DMXL2: variants seen among roughly 807,000 people sequenced by gnomAD.
DMXL2 encodes Dmx like 2.
A neutral mutation model predicts 331.1 loss-of-function variants in DMXL2; 103 were observed. The ratio of observed to expected loss-of-function variants is 0.31; its 90% CI spans 0.27 to 0.37. The LOEUF (loss-of-function observed/expected upper bound fraction) is 0.37. Among genes scored for constraint, DMXL2 ranks in the 10% least tolerant of loss-of-function variants. The pLI is 1.00. For missense variants in DMXL2, 3,171 were observed against 3,642.9 expected (o/e 0.87, Z 3.33); for synonymous variants, 1,281 against 1,252.1 (o/e 1.02, Z -0.49).
At chr15:51,616,363 A>G (rs1156269777) in intron 1 of DMXL2, among the ~76,000 whole-genome samples, 1 of 152,202 alleles carries the variant, frequency 6.6e-6, no homozygotes, top group Non-Finnish European at 1.5e-5. Context: ...AAAAAAAAAG[A>G]AATTTAAGAA....
At position 51,536,205 on chromosome 15, in the gene DMXL2, C is replaced by T. The variant is rs1368841053; in HGVS notation, c.2275G>A (p.Val759Met). ...NSLHTSAFSN[V>M]AWLPTLIPSY... ...GGAATGAGAGTTGGAAGCCAAGCCA[C>T]ATTAGAGAACGCTGAGGTATGTAAA... The change falls in exon 12 of 44, where the codon GTG becomes ATG. Residue 759 changes from valine to methionine, a missense_variant. Physicochemically the swap from Val to Met is conservative, Grantham distance 21. Coordinates refer to ENST00000560891, the MANE Select transcript of DMXL2 (RefSeq NM_001378457.1). 1.2e-6 allele frequency: 2 copies of T among 1,606,040 alleles called. No individual in the cohort carries two copies. Among genetic ancestry groups the T allele is most frequent in the Non-Finnish European group, 1.7e-6 (2 of 1,176,948 alleles).
In DMXL2 at chr15:51,542,205, C is replaced by A. The variant is rs537376902; in HGVS notation, c.1105+128G>T. The A allele has an allele frequency of 1.7e-5, 15 of 881,688 alleles. No homozygotes were observed. In the East Asian group the frequency reaches 2.1e-4, roughly 12 times the overall value. The allele number at this position is 881,688 out of a possible 1,614,324, so 54.6% of individuals were successfully genotyped here. A position where few individuals can be genotyped will look rare whatever the true frequency, so the allele number is the denominator to read the frequency against. ...CAAAAAATGGTACTTTATATTATAT[C>A]TCTACTCCAATTAAGTATTTTAAAG... On this transcript the variant is annotated intron_variant, in intron 9 of 43. Coordinates refer to ENST00000560891, the MANE Select transcript of DMXL2 (RefSeq NM_001378457.1).
chr15:51,575,636 A>T (rs2050973155), intron 2 of DMXL2, among the ~76,000 whole-genome samples: 1 of 152,206 alleles, frequency 6.6e-6, no homozygotes, highest in African/African-American at 2.4e-5. Flanking sequence ...TTTACAAAGC[A>T]CTTCCTATAT....
chr15:51,554,215 A>T (rs1388449106), intron 6 of DMXL2, among the ~76,000 whole-genome samples: 2 of 152,338 alleles, frequency 1.3e-5, no homozygotes, highest in Non-Finnish European at 2.9e-5. Context: ...ATATTAAATC[A>T]TCCATAGGTT....
chr15:51,451,966 T>G (rs559130381), intron 41 of DMXL2, among the ~76,000 whole-genome samples: 1 of 152,164 alleles, frequency 6.6e-6, no homozygotes, highest in Non-Finnish European at 1.5e-5. Context: ...TTCCTGAGTA[T>G]AAGGAATGCT....
intron 1 of DMXL2, among the ~76,000 whole-genome samples, chr15:51,617,258 T>C (rs1338586666): frequency 2.0e-5 from 3 of 152,174 alleles, no homozygotes; most frequent in Admixed American, 6.5e-5. Flanking sequence ...AATAAAGGCA[T>C]TGCACGGGAA....
At chr15:51,556,214 G>A (rs550962021) in intron 6 of DMXL2, among the ~76,000 whole-genome samples, 20 of 151,818 alleles carry the variant, frequency 1.3e-4, no homozygotes, top group Non-Finnish European at 2.8e-4. Flanking sequence ...GTGGTGGCGG[G>A]CGCCTGTAGT....
chr15:51,457,261 CAAAG>C, intron 37 of DMXL2, 63 bp downstream of exon 37: 1 of 1,533,856 alleles, frequency 6.5e-7, no homozygotes. Flanking sequence ...ATTCCTATGT[CAAAG>C]AGATTCCAAC....
In DMXL2 at chr15:51,481,530, T is replaced by C; in HGVS notation, c.5576A>G (p.Glu1859Gly). ...LLIRRNLASP[E>G]GTLATLGLKT... ...GAGACCTAAGGTTGCCAAAGTTCCT[T>C]CAGGGGAGGCAAGATTTCTTCGAAT... Residue 1859 changes from glutamate to glycine, a missense_variant, in exon 24 of 44, where the codon GAA becomes GGA. By Grantham distance (98) the Glu-to-Gly change is moderately conservative. Coordinates refer to ENST00000560891, the MANE Select transcript of DMXL2 (RefSeq NM_001378457.1). The C allele has an allele frequency of 6.2e-7, 1 of 1,612,912 alleles. No homozygotes were observed. The highest frequency in any genetic ancestry group is 8.5e-7 in the Non-Finnish European group (1 of 1,179,672).
intron 13 of DMXL2, among the ~76,000 whole-genome samples, chr15:51,532,687 T>C (rs944358547): frequency 6.6e-6 from 1 of 152,116 alleles, no homozygotes; most frequent in Non-Finnish European, 1.5e-5. Context: ...TTTAAAAAAA[T>C]TTTTTAAACC....
chr15:51,463,397 C>A lies in DMXL2; in HGVS notation c.7908G>T (p.Lys2636Asn). 6.4e-7 allele frequency: 1 copy of A among 1,563,116 alleles called. No homozygotes were observed. The highest frequency in any genetic ancestry group is 8.7e-7 in the Non-Finnish European group (1 of 1,147,512). Residue 2636 changes from lysine to asparagine, a missense_variant, in exon 33 of 44, where the codon AAG (lysine) becomes AAT (asparagine). Lys to Asn is a moderately conservative substitution (Grantham distance 94). Around this residue, in one of 7 missense-constraint regions of DMXL2, gnomAD observed 766 missense variants for 940.5 expected, o/e 0.81. Coordinates refer to ENST00000560891, the MANE Select transcript of DMXL2 (RefSeq NM_001378457.1). ...QETFIRYIFT[K>N]KRKQSESIEE... ...AAAATACCTCACTCTGCTTTCTTTT[C>A]TTAGTGAAAATATATCTAATAAATG...
chr15:51,459,492 C>T (rs920385380), intron 34 of DMXL2, 106 bp downstream of exon 34: 9 of 909,130 alleles, frequency 9.9e-6, no homozygotes, highest in South Asian at 8.5e-5. Flanking sequence ...ACTATGAGTT[C>T]TCTGAGTAGT....
chr15:51,476,231 GAAC>G (rs967392674), intron 27 of DMXL2, among the ~76,000 whole-genome samples: 67 of 152,188 alleles, frequency 4.4e-4, no homozygotes, highest in African/African-American at 1.5e-3. Flanking sequence ...ACACGCCCGA[GAAC>G]AACTAACTGT....
intron 17 of DMXL2, among the ~76,000 whole-genome samples, chr15:51,501,743 A>AC (rs2043624475): frequency 6.6e-6 from 1 of 151,216 alleles, no homozygotes; most frequent in African/African-American, 2.4e-5. Flanking sequence ...ACACAGTGAA[A>AC]CCCCGTCTCT....
chr15:51,579,370 G>A (rs1282807463), intron 1 of DMXL2, among the ~76,000 whole-genome samples: 2 of 152,076 alleles, frequency 1.3e-5, no homozygotes, highest in Admixed American at 6.5e-5. Context: ...TAATCCAAGG[G>A]TGGAAGAAAA....
chr15:51,478,377 T>C (rs1229446506), intron 25 of DMXL2, 30 bp from the exon 26 acceptor site: 1 of 1,583,554 alleles, frequency 6.3e-7, no homozygotes, highest in South Asian at 1.1e-5. Context: ...AATTACATTT[T>C]GTACTAACAT....
intron 28 of DMXL2, among the ~76,000 whole-genome samples, chr15:51,473,009 C>T (rs1483726269): frequency 1.3e-5 from 2 of 152,182 alleles, no homozygotes; most frequent in African/African-American, 4.8e-5. Flanking sequence ...CTCTTCATGA[C>T]AGCCATGATG....
In DMXL2 at chr15:51,604,984, A is replaced by T. The variant is rs112616199; in HGVS notation, c.87+17475T>A. ...TTTACAAAGGTACAAAGGCAATTCAATGGAGAAAGGGCAGCTTTTCAACAA... is the reference window on the plus strand; with the variant it reads ...TTTACAAAGGTACAAAGGCAATTCATTGGAGAAAGGGCAGCTTTTCAACAA... On this transcript the variant is annotated intron_variant, in intron 1 of 43. Transcript: ENST00000560891. Among the ~76,000 whole-genome samples the T allele has an allele frequency of 7.6e-3, 1,158 of 152,282 alleles. 17 individuals carry two copies. The highest frequency in any genetic ancestry group is 0.027 in the African/African-American group (1,107 of 41,542).
At chr15:51,614,318 T>G (rs1332370155) in intron 1 of DMXL2, among the ~76,000 whole-genome samples, 1 of 152,226 alleles carries the variant, frequency 6.6e-6, no homozygotes, top group Non-Finnish European at 1.5e-5. Context: ...ATTATTTTGT[T>G]ATGGCAGCCC....
Sources: allele counts gnomAD v4.1 joint callset (sites outside exome capture counted in the v4.1 genomes callset), GRCh38; gene constraint gnomAD v4.1.1; regional missense constraint gnomAD v4.1.1; transcripts MANE v1.5; gene names NCBI Gene and HGNC (gene_info 2026-07-23, HGNC 2026-07-21).